Variants in DCC observed in about 807,000 individuals in gnomAD.
The protein encoded by DCC is DCC netrin 1 receptor.
In DCC, 58 loss-of-function variants were observed where a neutral mutation model predicts 172.5. The observed-to-expected ratio is 0.34, with a 90% confidence interval of 0.27 to 0.42. The LOEUF (loss-of-function observed/expected upper bound fraction) is 0.42, where lower values mean the gene tolerates loss of function less well. Ranked by LOEUF, DCC falls within the 10% of genes least tolerant of loss-of-function variation. The pLI is 1.00. For missense variants in DCC, 1,740 were observed against 1,791.0 expected, an observed-to-expected ratio of 0.97 and a Z score of 0.51; for synonymous variants, 709 against 644.5, an observed-to-expected ratio of 1.10 and a Z score of -1.52.
chr18:53,114,373 G>A (rs2043379975), intron 7 of DCC, among the ~76,000 whole-genome samples: 1 of 151,516 alleles, frequency 6.6e-6, no homozygotes, highest in African/African-American at 2.4e-5. Flanking sequence ...CCTGCCAAGT[G>A]CATAATGCAC....
intron 21 of DCC, among the ~76,000 whole-genome samples, chr18:53,430,022 C>T (rs1911509270): frequency 6.6e-6 from 1 of 152,070 alleles, no homozygotes; most frequent in Admixed American, 6.6e-5. Context: ...TTTAGAAACA[C>T]ATTTCAGCCT....
At chr18:53,064,317 T>A (rs2042537860) in intron 6 of DCC, among the ~76,000 whole-genome samples, 1 of 152,102 alleles carries the variant, frequency 6.6e-6, no homozygotes, top group South Asian at 2.1e-4. Flanking sequence ...AGGTTCTGAT[T>A]TTAGGTATAT....
intron 5 of DCC, among the ~76,000 whole-genome samples, chr18:52,966,284 C>A (rs2040929009): frequency 6.6e-6 from 1 of 152,154 alleles, no homozygotes; most frequent in Non-Finnish European, 1.5e-5. Flanking sequence ...CAAAAATGAG[C>A]AGCATAAGGA....
Position 53,116,527 on chromosome 18 carries a change from G to A in DCC, c.1262-40829G>A, listed in dbSNP as rs1429905894. On this transcript the variant is annotated intron_variant, in intron 7 of 28. Transcript: ENST00000442544. ...AGTTACATGGTTTTGTTTTCCTGAT[G>A]TTTGCAAAGTTACCTCTGTCTTAAC... 4.6e-5 allele frequency among the ~76,000 whole-genome samples: 7 copies of A among 151,724 alleles called. No individual in the cohort carries two copies. In the South Asian group the frequency reaches 1.2e-3, roughly 27 times the overall value.
chr18:52,835,856 A>G (rs1283006448), intron 2 of DCC, among the ~76,000 whole-genome samples: 1 of 152,246 alleles, frequency 6.6e-6, no homozygotes, highest in African/African-American at 2.4e-5. Context: ...AAATATTTCA[A>G]AAAGATTCAG....
chr18:52,864,637 C>T (rs1449023321), intron 2 of DCC, among the ~76,000 whole-genome samples: 1 of 137,242 alleles, frequency 7.3e-6, no homozygotes. Context: ...ATCAACCTAT[C>T]AACAACAACT....
At chr18:52,491,648 T>G (rs999915909) in intron 1 of DCC, among the ~76,000 whole-genome samples, 4 of 152,026 alleles carry the variant, frequency 2.6e-5, no homozygotes, top group African/African-American at 7.2e-5. Flanking sequence ...ATTTTGGTGG[T>G]GACAATGAAG....
chr18:53,169,543 C>T (rs1182428528), intron 8 of DCC, among the ~76,000 whole-genome samples: 1 of 152,224 alleles, frequency 6.6e-6, no homozygotes, highest in South Asian at 2.1e-4. Context: ...CACCACACTG[C>T]CAACTTAGAG....
chr18:53,004,230 T>G (rs1386109324), intron 5 of DCC, among the ~76,000 whole-genome samples: 4 of 152,208 alleles, frequency 2.6e-5, no homozygotes, highest in Admixed American at 2.0e-4. Flanking sequence ...TGTCCAAAAC[T>G]ACTTTTTATA....
At chr18:52,400,113 C>T (rs1182599304) in intron 1 of DCC, among the ~76,000 whole-genome samples, 1 of 151,954 alleles carries the variant, frequency 6.6e-6, no homozygotes, top group Non-Finnish European at 1.5e-5. Flanking sequence ...CAATTCATAG[C>T]TCAACCCAAA....
intron 12 of DCC, among the ~76,000 whole-genome samples, chr18:53,229,536 TCTC>T (rs1385653682): frequency 6.6e-6 from 1 of 152,072 alleles, no homozygotes; most frequent in African/African-American, 2.4e-5. Context: ...AAAATACACA[TCTC>T]CTCCCAGCTC....
intron 2 of DCC, among the ~76,000 whole-genome samples, chr18:52,870,655 G>A (rs557038147): frequency 6.6e-6 from 1 of 151,616 alleles, no homozygotes. Context: ...ACAACCAGAC[G>A]GTCCCACCTT....
At chr18:52,598,447 T>A (rs1249385294) in intron 1 of DCC, among the ~76,000 whole-genome samples, 3 of 152,124 alleles carry the variant, frequency 2.0e-5, no homozygotes, top group Non-Finnish European at 4.4e-5. Flanking sequence ...AGTCTAAGAA[T>A]TGCATGGAGG....
At chr18:53,018,604 T>C (rs2041839748) in intron 5 of DCC, among the ~76,000 whole-genome samples, 2 of 152,202 alleles carry the variant, frequency 1.3e-5, no homozygotes, top group South Asian at 4.1e-4. Flanking sequence ...CAATTCATTT[T>C]GTTTTCTGAA....
At chr18:53,270,843 C>A (rs904080908) in intron 12 of DCC, among the ~76,000 whole-genome samples, 2 of 152,094 alleles carry the variant, frequency 1.3e-5, no homozygotes, top group African/African-American at 2.4e-5. Context: ...AGAAAACTCT[C>A]TAGGATCTTT....
intron 1 of DCC, among the ~76,000 whole-genome samples, chr18:52,446,587 C>T (rs1304493914): frequency 1.3e-5 from 2 of 152,196 alleles, no homozygotes; most frequent in Non-Finnish European, 2.9e-5. Context: ...AGGGCTTCAT[C>T]ATGTGAGTGT....
chr18:52,452,017 G>A (rs1425637911), intron 1 of DCC, among the ~76,000 whole-genome samples: 1 of 152,128 alleles, frequency 6.6e-6, no homozygotes, highest in Non-Finnish European at 1.5e-5. Context: ...ATTATCCTGT[G>A]TTTTACCTGC....
At chr18:53,443,016 G>C (rs928019074) in intron 22 of DCC, among the ~76,000 whole-genome samples, 6 of 152,182 alleles carry the variant, frequency 3.9e-5, no homozygotes, top group African/African-American at 1.4e-4. Context: ...TAACAGAAAA[G>C]TGCAAAGTGC....
At position 53,090,290 on chromosome 18, in the gene DCC, G is replaced by A. The variant is rs568456654; in HGVS notation, c.1261+24124G>A. Reference sequence around the variant, plus strand: ...AAATACAACTCTAACAGTCCATGAGGCCAGTACATTCTCTCACTTTCTGAT... The same window carrying A: ...AAATACAACTCTAACAGTCCATGAGACCAGTACATTCTCTCACTTTCTGAT... On this transcript the variant is annotated intron_variant, in intron 7 of 28. Transcript: ENST00000442544. 2.6e-5 allele frequency among the ~76,000 whole-genome samples: 4 copies of A among 152,128 alleles called. No individual in the cohort carries two copies. The East Asian group carries it at 7.7e-4, about 29-fold the overall frequency.
Sources: gnomAD v4.1 joint callset for allele counts (sites outside exome capture counted in the v4.1 genomes callset) on GRCh38, gnomAD v4.1.1 for gene constraint, MANE v1.5 for transcripts, NCBI Gene and HGNC (gene_info 2026-07-23, HGNC 2026-07-21) for gene names.